The following FHDC1 variants were observed in gnomAD, a reference collection of about 807,000 sequenced individuals.
FHDC1 encodes the protein FH2 domain containing 1.
In FHDC1, 25 loss-of-function variants were observed where a neutral mutation model predicts 52.6. The observed-to-expected ratio is 0.48, with a 90% CI of 0.35 to 0.66. FHDC1 has a LOEUF of 0.66. FHDC1 is among the 30% of genes least tolerant of loss of function. The probability of loss-of-function intolerance (pLI) is 0.01; values close to 1 mark genes in which losing one functional copy is unlikely to be tolerated. For missense variants in FHDC1, 1,459 were observed against 1,452.8 expected, an observed-to-expected ratio of 1.00 and a Z score of -0.07; for synonymous variants, 616 against 581.5, an observed-to-expected ratio of 1.06 and a Z score of -0.85.
At chr4:152,915,722 T>G in the FHDC1 span, among the ~76,000 whole-genome samples, 1 of 152,136 alleles carries the variant, frequency 6.6e-6, no homozygotes, top group African/African-American at 2.4e-5. Flanking sequence ...ATAATTGATT[T>G]ACACAGGGAT....
the FHDC1 span, chr4:152,911,853 C>T: frequency 6.6e-6 from 1 of 152,364 alleles, no homozygotes; most frequent in Non-Finnish European, 1.5e-5. Context: ...ATTTACATTC[C>T]CCAGAATGTG....
rs1017413797 is a variant in FHDC1 at position 152,976,834 on chromosome 4, G to C, written c.*111G>C. 2 of 1,351,854 alleles carry C rather than the reference G, an allele frequency of 1.5e-6. No individual in the cohort carries two copies. Among genetic ancestry groups the C allele is most frequent in the African/African-American group, 2.9e-5 (2 of 68,008 alleles). The allele number at this position is 1,351,854 out of a possible 1,614,324, so 83.7% of individuals were successfully genotyped here. A position where few individuals can be genotyped will look rare whatever the true frequency, so the allele number is the denominator to read the frequency against. ...TTTGTTACAGATAAAGCAGCCACTG[G>C]TGCCACTGCTAGTGACGCTGTTGGG... is the stretch of plus-strand genomic sequence containing the variant. On this transcript the variant is annotated 3_prime_UTR_variant, in exon 12 of 12. Coordinates refer to ENST00000511601, the MANE Select transcript of FHDC1 (RefSeq NM_001371116.1).
the FHDC1 span, among the ~76,000 whole-genome samples, chr4:152,920,157 G>A: frequency 2.0e-5 from 3 of 151,982 alleles, no homozygotes; most frequent in Non-Finnish European, 2.9e-5. Flanking sequence ...CATATGGTCA[G>A]GCTAGTCTTG....
rs140498110 is a variant in FHDC1, at chr4:152,963,479, T to C, written c.1029+349T>C. ...GACTGGATCTCTTTTGTTTTTGTTT[T>C]TAGGCAAATAAGGCACTGTGGAGGC... On this transcript the variant is annotated intron_variant, in intron 8 of 11. Coordinates refer to ENST00000511601, the MANE Select transcript of FHDC1 (RefSeq NM_001371116.1). Among the ~76,000 whole-genome samples the C allele has an allele frequency of 5.9e-3, 906 of 152,294 alleles. 9 individuals carry two copies. The highest frequency in any genetic ancestry group is 0.021 in the African/African-American group (852 of 41,554).
chr4:152,958,374 C>T (rs1003371070), intron 4 of FHDC1, among the ~76,000 whole-genome samples: 6 of 152,072 alleles, frequency 3.9e-5, no homozygotes, highest in African/African-American at 4.8e-5. Context: ...ACTTCCCTGC[C>T]GCTGTGAAGA....
At position 152,975,646 on chromosome 4, in the gene FHDC1, C is replaced by G. The variant is rs1026719424; in HGVS notation, c.2355C>G (p.Cys785Trp). 1 of 1,613,670 alleles carries G rather than the reference C, an allele frequency of 6.2e-7. No homozygotes were observed. The highest frequency in any genetic ancestry group is 1.3e-5 in the African/African-American group (1 of 75,064). ...DTTDCSLTLD[C>W]SEGTDSRPRG... ...CCGACTGCTCACTGACCCTGGACTG[C>G]TCAGAGGGAACCGACTCCAGACCCA... Residue 785 changes from cysteine (C) to tryptophan (W), a missense_variant, in exon 12 of 12, where the codon TGC becomes TGG. Coordinates refer to ENST00000511601, the MANE Select transcript of FHDC1 (RefSeq NM_001371116.1).
intron 6 of FHDC1, among the ~76,000 whole-genome samples, chr4:152,962,438 C>T (rs1443699558): frequency 6.6e-6 from 1 of 152,122 alleles, no homozygotes; most frequent in Non-Finnish European, 1.5e-5. Flanking sequence ...ACTGCATACT[C>T]AAAGAGTAGT....
intron 4 of FHDC1, 131 bp from the exon 5 acceptor site, chr4:152,960,434 C>T (rs910414620): frequency 1.1e-5 from 9 of 841,178 alleles, no homozygotes; most frequent in Non-Finnish European, 1.1e-5. Context: ...CCTTTTTTGT[C>T]TTTTCTAAAT....
In FHDC1 at chr4:152,975,527, C is replaced by T. The variant is rs754310999; in HGVS notation, c.2236C>T (p.Pro746Ser). The change falls in exon 12 of 12, where the codon CCC becomes TCC. Residue 746 changes from proline to serine, a missense_variant. Around this residue, in one of 3 missense-constraint regions of FHDC1, gnomAD observed 939 missense variants for 854.5 expected, o/e 1.10. Coordinates refer to ENST00000511601, the MANE Select transcript of FHDC1 (RefSeq NM_001371116.1). ...SPALEDGKAA[P>S]DEPGSAALGS... The stretch of plus-strand genomic sequence containing the variant: ...AGCGCTGGAGGATGGCAAGGCTGCC[C>T]CCGATGAGCCTGGAAGTGCAGCTTT... The T allele has an allele frequency of 3.7e-5, 60 of 1,613,416 alleles. 1 individual carries two copies. The highest frequency in any genetic ancestry group is 1.5e-4 in the Admixed American group (9 of 60,008).
At chr4:152,941,495 T>C (rs1739570755) in intron 1 of FHDC1, among the ~76,000 whole-genome samples, 1 of 152,252 alleles carries the variant, frequency 6.6e-6, no homozygotes, top group Non-Finnish European at 1.5e-5. Context: ...TTTATTTTTA[T>C]ACAAACCAAT....
At chr4:152,926,744 A>G in the FHDC1 span, among the ~76,000 whole-genome samples, 1 of 151,304 alleles carries the variant, frequency 6.6e-6, no homozygotes. Context: ...CTTGTTCCCC[A>G]CAATTTGGAC....
chr4:152,959,250 T>TTAA (rs1432472730), intron 4 of FHDC1, among the ~76,000 whole-genome samples: 4 of 152,252 alleles, frequency 2.6e-5, no homozygotes, highest in African/African-American at 9.6e-5. Flanking sequence ...GACTCTCTAT[T>TTAA]TAAACAGTGG....
rs1467176372 is a variant in FHDC1, at chr4:152,968,114, A to G, written c.1218+17A>G. Reference sequence around the variant, plus strand: ...TTTCTTCAGGTTTGTAGGTGACTCAAGTCAGTCCCTCTAATCTCATCTCCC... The same window carrying G: ...TTTCTTCAGGTTTGTAGGTGACTCAGGTCAGTCCCTCTAATCTCATCTCCC... On this transcript the variant is annotated intron_variant, in intron 10 of 11. Transcript: ENST00000511601. 2 of 1,585,174 alleles carry G rather than the reference A, an allele frequency of 1.3e-6. No homozygotes were observed. Among genetic ancestry groups the G allele is most frequent in the Non-Finnish European group, 1.7e-6 (2 of 1,155,340 alleles).
At chr4:152,957,524 T>C (rs1400396687) in intron 4 of FHDC1, among the ~76,000 whole-genome samples, 6 of 152,332 alleles carry the variant, frequency 3.9e-5, no homozygotes, top group Admixed American at 3.9e-4. Flanking sequence ...GTGGTTCTGC[T>C]GCACTCCACT....
chr4:152,963,270 C>A, intron 8 of FHDC1, 140 bp downstream of exon 8: 1 of 696,510 alleles, frequency 1.4e-6, no homozygotes, highest in Non-Finnish European at 2.4e-6. Context: ...TTTGTAGAAG[C>A]GCCATTAGCA....
rs528320451 is a variant in FHDC1 at position 152,978,656 on chromosome 4, G to T, written c.*1933G>T. The stretch of plus-strand genomic sequence containing the variant: ...TTTTTTTTTTAAGAAACTTTTTTGT[G>T]TTTTTTTTAATTTTAGGTCACTTAT... On this transcript the variant is annotated 3_prime_UTR_variant, in exon 12 of 12. Coordinates refer to ENST00000511601, the MANE Select transcript of FHDC1 (RefSeq NM_001371116.1). 2 of 151,668 alleles carry T rather than the reference G, an allele frequency of 1.3e-5. No individual in the cohort carries two copies. The highest frequency in any genetic ancestry group is 2.9e-5 in the Non-Finnish European group (2 of 67,906). The allele number at this position is 151,668 out of a possible 1,614,324, so 9.4% of individuals were successfully genotyped here.
intron 4 of FHDC1, among the ~76,000 whole-genome samples, chr4:152,955,263 G>T (rs1740048753): frequency 6.6e-6 from 1 of 151,876 alleles, no homozygotes; most frequent in South Asian, 2.1e-4. Context: ...TATTTATTTT[G>T]CTTGGACTGA....
At chr4:152,929,552 C>T in the FHDC1 span, among the ~76,000 whole-genome samples, 1 of 152,148 alleles carries the variant, frequency 6.6e-6, no homozygotes, top group Non-Finnish European at 1.5e-5. The surrounding 1 kb of genome is among the most constrained non-coding windows in gnomAD (Gnocchi z 4.1). Flanking sequence ...ATTTGGGGGT[C>T]CCGAGATTTA....
chr4:152,951,860 CA>C (rs1180483343), intron 2 of FHDC1, among the ~76,000 whole-genome samples: 2 of 151,896 alleles, frequency 1.3e-5, no homozygotes, highest in African/African-American at 4.8e-5. Flanking sequence ...ATTTAACAGC[CA>C]AAAAAAGTTC....
Sources: allele counts gnomAD v4.1 joint callset (sites outside exome capture counted in the v4.1 genomes callset), GRCh38; gene constraint gnomAD v4.1.1; regional missense constraint gnomAD v4.1.1; non-coding constraint Gnocchi (gnomAD v3.1); transcripts MANE v1.5; gene names NCBI Gene and HGNC (gene_info 2026-07-23, HGNC 2026-07-21).